The following LINGO2 variants were observed in gnomAD, a reference collection of about 807,000 sequenced individuals.
LINGO2 encodes the protein leucine rich repeat and Ig domain containing 2.
In LINGO2, 14 loss-of-function variants were observed where a neutral mutation model predicts 30.6. The observed-to-expected ratio is 0.46, with a 90% CI of 0.30 to 0.72. The LOEUF (loss-of-function observed/expected upper bound fraction) is 0.72. Ranked by LOEUF, LINGO2 falls within the 30% of genes least tolerant of loss-of-function variation. The probability of loss-of-function intolerance (pLI) is 0.07; values close to 1 mark genes in which losing one functional copy is unlikely to be tolerated. For synonymous variants in LINGO2, 317 were observed against 288.5 expected (o/e 1.10, Z -1.00); for missense variants, 729 against 751.7 (o/e 0.97, Z 0.35).
chr9:28,151,778 A>G (rs1381645250), intron 4 of LINGO2, among the ~76,000 whole-genome samples: 1 of 152,048 alleles, frequency 6.6e-6, no homozygotes, highest in Non-Finnish European at 1.5e-5. Flanking sequence ...AATTATGGCA[A>G]TAAGACTATA....
At chr9:28,823,603 C>T in the LINGO2 span, among the ~76,000 whole-genome samples, 1 of 152,134 alleles carries the variant, frequency 6.6e-6, no homozygotes, top group East Asian at 1.9e-4. Context: ...ATCTATCCAT[C>T]ATGCTGTGAG....
chr9:28,395,692 C>A (rs1323378873), intron 2 of LINGO2, among the ~76,000 whole-genome samples: 1 of 152,122 alleles, frequency 6.6e-6, no homozygotes, highest in East Asian at 1.9e-4. Context: ...CTTAAACAGA[C>A]ATAGTATAAA....
At chr9:28,619,151 T>A (rs1382082143) in intron 1 of LINGO2, among the ~76,000 whole-genome samples, 1 of 152,156 alleles carries the variant, frequency 6.6e-6, no homozygotes, top group East Asian at 1.9e-4. Flanking sequence ...GGGTTTTATA[T>A]GGGCTAGTGA....
the LINGO2 span, among the ~76,000 whole-genome samples, chr9:28,762,749 C>T: frequency 6.6e-6 from 1 of 151,958 alleles, no homozygotes; most frequent in Non-Finnish European, 1.5e-5. Flanking sequence ...GACATTAGTT[C>T]ATCATCTTCT....
intron 1 of LINGO2, among the ~76,000 whole-genome samples, chr9:28,629,037 G>A (rs186983236): frequency 6.6e-6 from 1 of 152,170 alleles, no homozygotes; most frequent in East Asian, 1.9e-4. Flanking sequence ...TATGTGGTGG[G>A]CATTACATTA....
chr9:27,985,768 G>A (rs1416976469), intron 5 of LINGO2, among the ~76,000 whole-genome samples: 1 of 151,328 alleles, frequency 6.6e-6, no homozygotes, highest in Non-Finnish European at 1.5e-5. Context: ...CACTTCCCAG[G>A]CCATCCTGAA....
chr9:28,558,379 G>A (rs1195428231), intron 1 of LINGO2, among the ~76,000 whole-genome samples: 3 of 151,888 alleles, frequency 2.0e-5, no homozygotes, highest in Non-Finnish European at 4.4e-5. Flanking sequence ...GGAGAGTCAG[G>A]CAGGGTGAAG....
chr9:28,252,117 T>G (rs1223104800), intron 4 of LINGO2, among the ~76,000 whole-genome samples: 1 of 152,206 alleles, frequency 6.6e-6, no homozygotes, highest in Non-Finnish European at 1.5e-5. Flanking sequence ...CACAAACATT[T>G]ATAGTCACAT....
At chr9:29,103,439 T>C in the LINGO2 span, among the ~76,000 whole-genome samples, 1 of 152,124 alleles carries the variant, frequency 6.6e-6, no homozygotes, top group Non-Finnish European at 1.5e-5. Context: ...TGATCATTTA[T>C]TTTATCCAAT....
the LINGO2 span, among the ~76,000 whole-genome samples, chr9:28,761,775 G>T: frequency 2.0e-5 from 3 of 151,832 alleles, no homozygotes; most frequent in Non-Finnish European, 4.4e-5. Context: ...TAACACAAAT[G>T]GTCACCCCAA....
the LINGO2 span, among the ~76,000 whole-genome samples, chr9:28,751,241 T>C: frequency 7.0e-6 from 1 of 142,218 alleles, no homozygotes; most frequent in East Asian, 2.0e-4. Context: ...CAGTAAGCTA[T>C]GATTATGTCA....
chr9:28,730,065 CAATT>C, the LINGO2 span, among the ~76,000 whole-genome samples: 3 of 151,966 alleles, frequency 2.0e-5, no homozygotes, highest in South Asian at 6.2e-4. Context: ...GGATTTCTAA[CAATT>C]AAATGTGAAG....
In LINGO2 at chr9:28,620,196, A is replaced by G. The variant is rs77795419; in HGVS notation, c.-365+50004T>C. Among the ~76,000 whole-genome samples, 1,445 of 152,188 alleles carry G rather than the reference A, an allele frequency of 9.5e-3. 29 individuals carry two copies. The highest frequency in any genetic ancestry group is 0.082 in the East Asian group (426 of 5,170). On this transcript the variant is annotated intron_variant, in intron 1 of 5. Transcript: ENST00000379992. ...AAATACTCTGCATTGTTTTCTTCCC[A>G]GGTGATTCAAGCTGCAAGATAGATG...
At chr9:28,421,178 A>T (rs1823180363) in intron 2 of LINGO2, among the ~76,000 whole-genome samples, 1 of 152,030 alleles carries the variant, frequency 6.6e-6, no homozygotes, top group African/African-American at 2.4e-5. Flanking sequence ...AAAGGAAATT[A>T]AGAAAACAAT....
At chr9:28,267,501 G>T (rs1822794245) in intron 4 of LINGO2, among the ~76,000 whole-genome samples, 1 of 151,866 alleles carries the variant, frequency 6.6e-6, no homozygotes, top group South Asian at 2.1e-4. Context: ...CATTCCTCCT[G>T]TACTTTCATA....
chr9:28,268,156 A>C (rs1022145616), intron 4 of LINGO2, among the ~76,000 whole-genome samples: 1 of 152,036 alleles, frequency 6.6e-6, no homozygotes, highest in Non-Finnish European at 1.5e-5. Context: ...ATATCAAATA[A>C]AACTAGGTAG....
At chr9:29,067,743 GA>G in the LINGO2 span, among the ~76,000 whole-genome samples, 12 of 138,142 alleles carry the variant, frequency 8.7e-5, no homozygotes, top group African/African-American at 2.4e-4. Context: ...GTAAAACAAG[GA>G]GTATTTAAAT....
At chr9:28,975,682 A>G in the LINGO2 span, among the ~76,000 whole-genome samples, 1 of 152,172 alleles carries the variant, frequency 6.6e-6, no homozygotes, top group Admixed American at 6.5e-5. Context: ...ATACCTTTTC[A>G]TCAACGTAAG....
chr9:28,079,900 A>C (rs534229233), intron 4 of LINGO2, among the ~76,000 whole-genome samples: 5 of 152,210 alleles, frequency 3.3e-5, no homozygotes, highest in Non-Finnish European at 7.3e-5. Context: ...AGCTGTCATT[A>C]TGCGACATCT....
Sources: gnomAD v4.1 joint callset for allele counts (sites outside exome capture counted in the v4.1 genomes callset) on GRCh38, gnomAD v4.1.1 for gene constraint, MANE v1.5 for transcripts, NCBI Gene and HGNC (gene_info 2026-07-23, HGNC 2026-07-21) for gene names.